Variants in CDH8 observed in about 807,000 individuals in gnomAD.
The protein encoded by CDH8 is cadherin 8, also known as cadherin-8.
Under a neutral mutation model 68.1 loss-of-function variants are expected in CDH8, and 17 were observed. The ratio of observed to expected loss-of-function variants is 0.25; its 90% CI spans 0.17 to 0.37. CDH8 has a LOEUF of 0.37. CDH8 is among the 10% of genes least tolerant of loss of function. CDH8 has a pLI of 1.00. For synonymous variants in CDH8, 372 were observed against 365.1 expected (o/e 1.02, Z -0.21); for missense variants, 763 against 999.3 (o/e 0.76, Z 3.19).
At chr16:61,951,792 G>A (rs1353280244) in intron 2 of CDH8, among the ~76,000 whole-genome samples, 2 of 151,930 alleles carry the variant, frequency 1.3e-5, no homozygotes, top group Non-Finnish European at 1.5e-5. Flanking sequence ...TTTACTTATT[G>A]AAAGGGTTAT....
intron 1 of CDH8, among the ~76,000 whole-genome samples, chr16:62,023,689 G>A (rs867394712): frequency 2.6e-4 from 39 of 152,088 alleles, no homozygotes; most frequent in African/African-American, 8.7e-4. Flanking sequence ...ACAAAGTTAC[G>A]CAAAGATCTT....
chr16:61,992,514 C>CTAAATG (rs1965743778), intron 2 of CDH8, among the ~76,000 whole-genome samples: 2 of 151,132 alleles, frequency 1.3e-5, no homozygotes, highest in Non-Finnish European at 2.9e-5. Flanking sequence ...ATGGGTGCAG[C>CTAAATG]ACACCAGCAT....
chr16:61,716,521 C>A (rs1596894110), intron 9 of CDH8, among the ~76,000 whole-genome samples: 1 of 151,742 alleles, frequency 6.6e-6, no homozygotes, highest in Non-Finnish European at 1.5e-5. Context: ...GTATTTCAAA[C>A]AGCCTTCTGG....
chr16:61,748,211 T>G (rs939427526), intron 8 of CDH8, among the ~76,000 whole-genome samples: 5 of 121,692 alleles, frequency 4.1e-5, no homozygotes, highest in African/African-American at 2.1e-4. Flanking sequence ...TGTCTGCCAT[T>G]TGAGAATGTC....
intron 2 of CDH8, among the ~76,000 whole-genome samples, chr16:62,011,832 A>G (rs1901820862): frequency 6.6e-6 from 1 of 152,238 alleles, no homozygotes; most frequent in South Asian, 2.1e-4. Context: ...TATAACATCT[A>G]AAGGGATTCC....
intron 1 of CDH8, among the ~76,000 whole-genome samples, chr16:62,023,946 C>T (rs773566757): frequency 3.3e-5 from 5 of 152,166 alleles, no homozygotes; most frequent in Non-Finnish European, 5.9e-5. Flanking sequence ...TTTATGGGCT[C>T]AAGTGATCCT....
At chr16:61,979,809 C>A (rs1357101102) in intron 2 of CDH8, among the ~76,000 whole-genome samples, 1 of 152,106 alleles carries the variant, frequency 6.6e-6, no homozygotes, top group Non-Finnish European at 1.5e-5. Context: ...GCATTTTATG[C>A]CAGATACTGC....
intron 1 of CDH8, among the ~76,000 whole-genome samples, chr16:62,025,571 C>T (rs1038556139): frequency 6.6e-6 from 1 of 152,186 alleles, no homozygotes; most frequent in Non-Finnish European, 1.5e-5. Flanking sequence ...CTTTCATCCA[C>T]ATAGGTCATT....
At chr16:61,691,105 C>T (rs943841893) in intron 10 of CDH8, among the ~76,000 whole-genome samples, 1 of 152,070 alleles carries the variant, frequency 6.6e-6, no homozygotes, top group Non-Finnish European at 1.5e-5. Flanking sequence ...AATCATGCAC[C>T]TTTGTTTGCC....
At chr16:61,827,866 A>G (rs74932428) in intron 4 of CDH8, among the ~76,000 whole-genome samples, 1 of 152,000 alleles carries the variant, frequency 6.6e-6, no homozygotes, top group Non-Finnish European at 1.5e-5. Context: ...CGTAACTGCT[A>G]ATAACCTACT....
In CDH8 at chr16:61,801,759, G is replaced by A. The variant is rs375159238; in HGVS notation, c.1278-12277C>T. 1.1e-4 allele frequency among the ~76,000 whole-genome samples: 17 copies of A among 152,320 alleles called. No individual in the cohort carries two copies. In the East Asian group the frequency reaches 1.4e-3, roughly 12 times the overall value. The stretch of plus-strand genomic sequence containing the variant: ...ACCCGAATATTGCCCTTTTCAGACC[G>A]GCTTAAAAAGCGGCGAACCATGAGA... On this transcript the variant is annotated intron_variant, in intron 7 of 11. Transcript: ENST00000577390.
intron 8 of CDH8, among the ~76,000 whole-genome samples, chr16:61,769,873 GT>G (rs1373164648): frequency 6.6e-6 from 1 of 151,882 alleles, no homozygotes; most frequent in Non-Finnish European, 1.5e-5. Context: ...TGTAAGCAAT[GT>G]GATTCCTGGA....
intron 1 of CDH8, among the ~76,000 whole-genome samples, chr16:62,033,581 T>C (rs927956132): frequency 1.3e-5 from 2 of 152,176 alleles, no homozygotes; most frequent in Non-Finnish European, 1.5e-5. Flanking sequence ...TAATAATAAT[T>C]AGTAATGTAA....
intron 8 of CDH8, among the ~76,000 whole-genome samples, chr16:61,736,528 A>T (rs557022668): frequency 6.6e-6 from 1 of 152,326 alleles, no homozygotes; most frequent in East Asian, 1.9e-4. Context: ...TCTACTGGGT[A>T]TTTCTTGAAA....
intron 3 of CDH8, among the ~76,000 whole-genome samples, chr16:61,897,410 A>G (rs963189846): frequency 6.6e-6 from 1 of 151,910 alleles, no homozygotes; most frequent in Admixed American, 6.6e-5. Context: ...ATGCCACCAC[A>G]CCCAGCTAAT....
chr16:61,907,007 G>A (rs1304020614), intron 2 of CDH8, among the ~76,000 whole-genome samples: 1 of 152,188 alleles, frequency 6.6e-6, no homozygotes, highest in African/African-American at 2.4e-5. Context: ...TTCAAAATCA[G>A]AGTAAGAACC....
Position 61,650,500 on chromosome 16 carries a change from TAGTCATTTCAATAA to T in CDH8, c.*3094_*3107del, listed in dbSNP as rs1963296191. 1 of 152,128 alleles carries T rather than the reference TAGTCATTTCAATAA, an allele frequency of 6.6e-6. No homozygotes were observed. The highest frequency in any genetic ancestry group is 2.4e-5 in the African/African-American group (1 of 41,422). The allele number at this position is 152,128 out of a possible 1,614,324, so 9.4% of individuals were successfully genotyped here. On this transcript the variant is annotated 3_prime_UTR_variant, in exon 12 of 12. Coordinates refer to ENST00000577390, the MANE Select transcript of CDH8 (RefSeq NM_001796.5). ...AACAATGCACATAGCTTTAAAAATA[TAGTCATTTCAATAA>T]AGTTTTTAAAATGTGTTATTTAACA... is the stretch of plus-strand genomic sequence containing the variant.
At chr16:61,694,980 C>T (rs989745517) in intron 10 of CDH8, among the ~76,000 whole-genome samples, 3 of 152,088 alleles carry the variant, frequency 2.0e-5, no homozygotes, top group African/African-American at 7.2e-5. Context: ...CAGGGTTTCA[C>T]CATATTGGCC....
intron 4 of CDH8, among the ~76,000 whole-genome samples, chr16:61,835,831 A>C (rs556532545): frequency 3.3e-5 from 5 of 152,132 alleles, no homozygotes; most frequent in African/African-American, 1.2e-4. Context: ...AGCAATTCAG[A>C]ACTTAAGCAG....
Sources: gnomAD v4.1 joint callset for allele counts (sites outside exome capture counted in the v4.1 genomes callset) on GRCh38, gnomAD v4.1.1 for gene constraint, MANE v1.5 for transcripts, NCBI Gene and HGNC (gene_info 2026-07-23, HGNC 2026-07-21) for gene names.